FAM13C: variants seen among roughly 807,000 people sequenced by gnomAD.
FAM13C encodes family with sequence similarity 13 member C, also known as protein FAM13C.
In FAM13C, 37 loss-of-function variants were observed where a neutral mutation model predicts 73.2. The ratio of observed to expected loss-of-function variants is 0.51; its 90% CI spans 0.39 to 0.67. The LOEUF (loss-of-function observed/expected upper bound fraction) is 0.67. FAM13C is among the 30% of genes least tolerant of loss of function. The pLI is 0.00. For synonymous variants in FAM13C, 246 were observed against 260.9 expected (o/e 0.94, Z 0.55); for missense variants, 589 against 715.6 (o/e 0.82, Z 2.02).
At chr10:59,330,984 A>C (rs1043658704) in intron 3 of FAM13C, among the ~76,000 whole-genome samples, 1 of 152,172 alleles carries the variant, frequency 6.6e-6, no homozygotes, top group Non-Finnish European at 1.5e-5. Flanking sequence ...TAGGATTCAC[A>C]AACTGGTCAT....
chr10:59,264,109 C>A lies in FAM13C; in HGVS notation c.1000G>T (p.Ala334Ser), dbSNP rs1842785889. Reference protein sequence around the residue: ...PEVLKWMNDLAKGRKQLKELK... With the variant: ...PEVLKWMNDLSKGRKQLKELK... ...CCTTTGAGCTGTTTACGACCTTTAG[C>A]CAAATCATTCATCCATTTCAGGACT... Residue 334 changes from alanine to serine, a missense_variant, in exon 9 of 14, where the codon GCT becomes TCT. Transcript: ENST00000618804. 1 of 1,612,166 alleles carries A rather than the reference C, an allele frequency of 6.2e-7. No homozygotes were observed. Among genetic ancestry groups the A allele is most frequent in the Non-Finnish European group, 8.5e-7 (1 of 1,179,040 alleles).
intron 5 of FAM13C, among the ~76,000 whole-genome samples, chr10:59,286,437 C>T (rs1272875470): frequency 6.6e-6 from 1 of 150,380 alleles, no homozygotes; most frequent in Non-Finnish European, 1.5e-5. Context: ...ATTGCTTGAA[C>T]CCGGGAGTTT....
Position 59,270,027 on chromosome 10 carries a change from C to A in FAM13C, c.675G>T (p.Leu225=). The change falls in exon 7 of 14, where the codon CTG becomes CTT. Residue 225 remains leucine (L), a synonymous_variant. Coordinates refer to ENST00000618804, the MANE Select transcript of FAM13C (RefSeq NM_198215.4). ...EDLHSVGTSR[L]LYHITDGDNP... The stretch of plus-strand genomic sequence containing the variant: ...TATCACCATCAGTGATGTGATAGAG[C>A]AGCCTGCTGGTCCCCACAGAGTGGA... 1.2e-6 allele frequency: 2 copies of A among 1,613,932 alleles called. No homozygotes were observed. Among genetic ancestry groups the A allele is most frequent in the South Asian group, 1.1e-5 (1 of 91,080 alleles).
chr10:59,318,076 G>C (rs58507078), intron 4 of FAM13C, among the ~76,000 whole-genome samples: 1 of 151,800 alleles, frequency 6.6e-6, no homozygotes, highest in Non-Finnish European at 1.5e-5. Flanking sequence ...GTTATATCTC[G>C]GAGGTAAGAT....
intron 1 of FAM13C, among the ~76,000 whole-genome samples, chr10:59,356,297 A>C (rs1855704569): frequency 6.6e-6 from 1 of 152,126 alleles, no homozygotes; most frequent in African/African-American, 2.4e-5. Context: ...ATTCCATTAC[A>C]TGCCTCTTTG....
intron 3 of FAM13C, among the ~76,000 whole-genome samples, chr10:59,331,362 C>T (rs1047465437): frequency 1.3e-5 from 2 of 152,112 alleles, no homozygotes; most frequent in African/African-American, 4.8e-5. Flanking sequence ...TGTATCAAGG[C>T]AAACATGTGT....
intron 3 of FAM13C, among the ~76,000 whole-genome samples, chr10:59,335,527 G>A (rs537347636): frequency 1.3e-4 from 20 of 152,128 alleles, no homozygotes; most frequent in African/African-American, 2.9e-4. Context: ...CCCTACCAGC[G>A]CCACTCCTCA....
chr10:59,314,907 C>A (rs1057195727), intron 4 of FAM13C, among the ~76,000 whole-genome samples: 1 of 152,172 alleles, frequency 6.6e-6, no homozygotes, highest in Non-Finnish European at 1.5e-5. Flanking sequence ...CCTATAAAAT[C>A]ATCTGTAGTA....
intron 6 of FAM13C, among the ~76,000 whole-genome samples, chr10:59,275,033 C>T (rs1048463949): frequency 6.6e-6 from 1 of 152,132 alleles, no homozygotes; most frequent in South Asian, 2.1e-4. Context: ...TAGTTGATCA[C>T]CTTAGTGGTA....
intron 2 of FAM13C, among the ~76,000 whole-genome samples, chr10:59,353,301 T>G (rs950712052): frequency 1.3e-5 from 2 of 152,218 alleles, no homozygotes; most frequent in African/African-American, 4.8e-5. Flanking sequence ...TCTTCCCACT[T>G]AAATCTAGAT....
chr10:59,323,838 C>A, intron 4 of FAM13C, 150 bp downstream of exon 4: 1 of 730,490 alleles, frequency 1.4e-6, no homozygotes, highest in Non-Finnish European at 2.5e-6. Context: ...AGCGATTCCT[C>A]TTCTAGGCCC....
chr10:59,327,729 T>A (rs1056916172), intron 3 of FAM13C: 1 of 152,106 alleles, frequency 6.6e-6, no homozygotes, highest in African/African-American at 2.4e-5. Flanking sequence ...ATAAATAAGA[T>A]ATATTTTTAC....
rs535298976 is a variant in FAM13C, at chr10:59,344,339, C to T, written c.324+7931G>A. Among the ~76,000 whole-genome samples the T allele has an allele frequency of 2.5e-3, 379 of 149,378 alleles. 2 individuals are homozygous for T. The highest frequency in any genetic ancestry group is 9.1e-3 in the African/African-American group (369 of 40,490). On this transcript the variant is annotated intron_variant, in intron 3 of 13. Coordinates refer to ENST00000618804, the MANE Select transcript of FAM13C (RefSeq NM_198215.4). ...TGTCGCCCAGGCTGGAGTGCAGCAG[C>T]GCGATCTCGGCTCACTGCAAGTTCC...
In FAM13C at chr10:59,333,008, T is replaced by TTTAC. The variant is rs57556314; in HGVS notation, c.325-8903_325-8902insGTAA. Among the ~76,000 whole-genome samples the TTTAC allele has an allele frequency of 7.1e-3, 1,070 of 151,618 alleles. 13 individuals carry two copies. Among genetic ancestry groups the TTTAC allele is most frequent in the African/African-American group, 0.02 (844 of 41,302 alleles). ...ACTTATTTATTTATTTATTTATTTA[T>TTTAC]TCATTTATTGGTAAGAGACAAGGTC... On this transcript the variant is annotated intron_variant, in intron 3 of 13. Coordinates refer to ENST00000618804, the MANE Select transcript of FAM13C (RefSeq NM_198215.4).
rs945124016 is a variant in FAM13C, at chr10:59,251,570, C to T, written c.1634+5G>A. 3 of 1,611,662 alleles carry T rather than the reference C, an allele frequency of 1.9e-6. No homozygotes were observed. The highest frequency in any genetic ancestry group is 3.3e-5 in the Admixed American group (2 of 59,988). The stretch of plus-strand genomic sequence containing the variant: ...AGCTTTAAAAATCTCTCTGCCGACA[C>T]ATACCTTCCTGTTTGTTTAAAAAAC... On this transcript the variant is annotated splice_donor_5th_base_variant and intron_variant, in intron 13 of 13. Transcript: ENST00000618804.
At chr10:59,349,220 A>G (rs1380068353) in intron 3 of FAM13C, among the ~76,000 whole-genome samples, 4 of 152,180 alleles carry the variant, frequency 2.6e-5, no homozygotes. Flanking sequence ...AGATGGTTAC[A>G]TTTTCCTTCA....
intron 2 of FAM13C, 90 bp from the exon 3 acceptor site, chr10:59,352,564 C>T (rs1031377103): frequency 3.5e-5 from 48 of 1,360,756 alleles, no homozygotes; most frequent in Middle Eastern, 2.0e-4. Context: ...TTCATTGCTG[C>T]TATATTTATA....
At chr10:59,285,698 T>C (rs937159933) in intron 5 of FAM13C, among the ~76,000 whole-genome samples, 8 of 152,204 alleles carry the variant, frequency 5.3e-5, no homozygotes, top group Non-Finnish European at 1.2e-4. Flanking sequence ...TTGGATAAAA[T>C]AGTGTCTCTA....
At chr10:59,346,147 A>G (rs919088984) in intron 3 of FAM13C, among the ~76,000 whole-genome samples, 1 of 152,200 alleles carries the variant, frequency 6.6e-6, no homozygotes, top group Non-Finnish European at 1.5e-5. Context: ...TCAAGAAAAA[A>G]ATGCATATAA....
Sources: gnomAD v4.1 joint callset for allele counts (sites outside exome capture counted in the v4.1 genomes callset) on GRCh38, gnomAD v4.1.1 for gene constraint, MANE v1.5 for transcripts, NCBI Gene and HGNC (gene_info 2026-07-23, HGNC 2026-07-21) for gene names.